NF1: variants seen among roughly 807,000 people sequenced by gnomAD.
The protein encoded by NF1 is neurofibromin 1, also known as neurofibromin.
A neutral mutation model predicts 325.7 loss-of-function variants in NF1; 122 were observed. That is an observed-to-expected ratio of 0.37 (90% CI 0.32 to 0.44). The LOEUF is 0.44. NF1 is among the 20% of genes least tolerant of loss of function. The pLI, the probability that NF1 is intolerant of heterozygous loss-of-function variation, is 1.00. For missense variants in NF1, 2,140 were observed against 3,415.4 expected, an observed-to-expected ratio of 0.63 and a Z score of 9.31; for synonymous variants, 1,091 against 1,186.0, an observed-to-expected ratio of 0.92 and a Z score of 1.65.
intron 29 of NF1, among the ~76,000 whole-genome samples, chr17:31,238,675 G>A (rs1411259572): frequency 6.6e-6 from 1 of 151,632 alleles, no homozygotes; most frequent in Non-Finnish European, 1.5e-5. Flanking sequence ...GGAGGTTGCA[G>A]TGAGCTGAGA....
intron 21 of NF1, 153 bp from the exon 22 acceptor site, chr17:31,229,682 G>A: frequency 2.9e-6 from 3 of 1,051,326 alleles, no homozygotes; most frequent in East Asian, 2.4e-5. Context: ...CTGTGTATGG[G>A]TACGAGTGTC....
intron 36 of NF1, among the ~76,000 whole-genome samples, chr17:31,312,432 C>T (rs893211729): frequency 6.6e-6 from 1 of 151,340 alleles, no homozygotes; most frequent in African/African-American, 2.4e-5. Flanking sequence ...AATCTCTTGA[C>T]CCTGGGAGGC....
intron 13 of NF1, among the ~76,000 whole-genome samples, chr17:31,217,380 C>T (rs1360204832): frequency 6.6e-6 from 1 of 151,454 alleles, no homozygotes; most frequent in Admixed American, 6.6e-5. Context: ...GGTGTGATCT[C>T]AGCTCTCTGC....
intron 30 of NF1, among the ~76,000 whole-genome samples, chr17:31,249,609 A>G (rs2067459616): frequency 6.6e-6 from 1 of 152,204 alleles, no homozygotes; most frequent in South Asian, 2.1e-4. Context: ...TTTATGTAGC[A>G]TATTTCTTAA....
intron 11 of NF1, among the ~76,000 whole-genome samples, chr17:31,202,405 G>A (rs571622751): frequency 1.1e-4 from 17 of 152,206 alleles, no homozygotes; most frequent in African/African-American, 4.1e-4. Flanking sequence ...CATTTGCCCT[G>A]GATGTTGTAT....
chr17:31,279,075 C>G (rs546329738), intron 36 of NF1, among the ~76,000 whole-genome samples: 1 of 151,998 alleles, frequency 6.6e-6, no homozygotes, highest in Non-Finnish European at 1.5e-5. Flanking sequence ...CCTGTCTCTA[C>G]AAAGTACATT....
Position 31,230,899 on chromosome 17 carries a change from A to G in NF1, c.3171A>G (p.Ala1057=), listed in dbSNP as rs2067102269. The G allele has an allele frequency of 1.2e-6, 2 of 1,611,198 alleles. No individual in the cohort carries two copies. The highest frequency in any genetic ancestry group is 1.7e-6 in the Non-Finnish European group (2 of 1,178,658). ...DWVMGTSNQA[A]DDDVKCLTRD... The stretch of plus-strand genomic sequence containing the variant: ...TTATGGGAACATCAAACCAAGCAGC[A>G]GATGATGATGTAAAATGTCTTACAA... Residue 1057 remains alanine (A), a synonymous_variant, in exon 24 of 58, where the codon GCA becomes GCG. Coordinates refer to ENST00000358273, the MANE Select transcript of NF1 (RefSeq NM_001042492.3).
At chr17:31,215,171 G>A (rs2066799088) in intron 13 of NF1, among the ~76,000 whole-genome samples, 1 of 152,150 alleles carries the variant, frequency 6.6e-6, no homozygotes, top group African/African-American at 2.4e-5. Flanking sequence ...AAGCTAGAGA[G>A]CAGTGGAGCA....
intron 2 of NF1, among the ~76,000 whole-genome samples, chr17:31,157,106 G>T (rs932999073): frequency 2.0e-5 from 3 of 151,984 alleles, no homozygotes; most frequent in African/African-American, 7.2e-5. Context: ...GCTGCCTCAG[G>T]CTCCCCAGTA....
intron 27 of NF1, among the ~76,000 whole-genome samples, chr17:31,234,945 TA>T (rs1285470673): frequency 6.6e-6 from 1 of 152,152 alleles, no homozygotes; most frequent in Non-Finnish European, 1.5e-5. Context: ...GATTTACCAT[TA>T]GATCATTTTT....
intron 36 of NF1, among the ~76,000 whole-genome samples, chr17:31,269,396 G>A (rs1222116050): frequency 6.6e-6 from 1 of 152,110 alleles, no homozygotes; most frequent in Non-Finnish European, 1.5e-5. Flanking sequence ...TTATATAGTG[G>A]CAACAAAAAG....
rs876660089 is a variant in NF1 at position 31,260,468 on chromosome 17, A to G, written c.4530A>G (p.Leu1510=). The change falls in exon 34 of 58, where the codon CTA becomes CTG. Residue 1510 remains leucine, a synonymous_variant. Coordinates refer to ENST00000358273, the MANE Select transcript of NF1 (RefSeq NM_001042492.3). ...GCAATGTGCTTGCTTTACATCGTCTACTCTGGAACAATCAGGAGAAAATTG... is the reference window on the plus strand; with the variant it reads ...GCAATGTGCTTGCTTTACATCGTCTGCTCTGGAACAATCAGGAGAAAATTG... ...SDGNVLALHR[L]LWNNQEKIGQ... The G allele has an allele frequency of 6.2e-7, 1 of 1,613,944 alleles. No individual in the cohort carries two copies. Among genetic ancestry groups the G allele is most frequent in the Non-Finnish European group, 8.5e-7 (1 of 1,179,938 alleles).
At chr17:31,161,016 T>C (rs1448259872) in intron 3 of NF1, among the ~76,000 whole-genome samples, 1 of 152,258 alleles carries the variant, frequency 6.6e-6, no homozygotes, top group Non-Finnish European at 1.5e-5. Context: ...TCAGTGATTT[T>C]ACAGATGTTT....
chr17:31,362,291 C>A, intron 57 of NF1: 2 of 985,392 alleles, frequency 2.0e-6, no homozygotes, highest in Non-Finnish European at 2.4e-6. Context: ...TTTACAGATA[C>A]TGCAGCCACT....
intron 36 of NF1, chr17:31,295,870 A>G (rs1240210013): frequency 9.9e-6 from 16 of 1,614,208 alleles, no homozygotes; most frequent in Non-Finnish European, 1.2e-5. Context: ...GTTTGTTACT[A>G]CTGAGGTTGA....
At chr17:31,139,317 G>A (rs900754067) in intron 1 of NF1, among the ~76,000 whole-genome samples, 9 of 151,284 alleles carry the variant, frequency 5.9e-5, no homozygotes, top group African/African-American at 1.9e-4. Flanking sequence ...CAAAGTGCTG[G>A]GATTACAGCA....
chr17:31,272,059 A>G (rs1299334598), intron 36 of NF1: 2 of 152,210 alleles, frequency 1.3e-5, no homozygotes, highest in African/African-American at 2.4e-5. Context: ...CTTCTTTCAT[A>G]TGGAAGGAAA....
At chr17:31,096,549 C>T (rs986865985) in intron 1 of NF1, among the ~76,000 whole-genome samples, 5 of 152,078 alleles carry the variant, frequency 3.3e-5, no homozygotes, top group Non-Finnish European at 5.9e-5. Context: ...GCTGTGGGTG[C>T]AGTGGGCTTC....
In NF1 at chr17:31,158,728, G is replaced by C. The variant is rs572516891; in HGVS notation, c.205-282G>C. Among the ~76,000 whole-genome samples the C allele has an allele frequency of 6.6e-5, 10 of 152,234 alleles. No homozygotes were observed. The South Asian group carries it at 2.1e-3, about 32-fold the overall frequency. The stretch of plus-strand genomic sequence containing the variant: ...AAGATTCTGGTACAGGTCTATATGT[G>C]TGTCTAAATCCTACATATTTTTAAA... On this transcript the variant is annotated intron_variant, in intron 2 of 57. Transcript: ENST00000358273.
Sources: allele counts gnomAD v4.1 joint callset (sites outside exome capture counted in the v4.1 genomes callset), GRCh38; gene constraint gnomAD v4.1.1; transcripts MANE v1.5; gene names NCBI Gene and HGNC (gene_info 2026-07-23, HGNC 2026-07-21).